Variants in CD247 observed in about 807,000 individuals in gnomAD.
The protein encoded by CD247 is T-cell surface glycoprotein CD3 zeta chain.
CD247 carries 13 observed loss-of-function variants against 30.0 expected under a neutral mutation model. The ratio of observed to expected loss-of-function variants is 0.43; its 90% CI spans 0.28 to 0.69. CD247 has a LOEUF of 0.69. Ranked by LOEUF, CD247 falls within the 30% of genes least tolerant of loss-of-function variation. CD247 has a pLI of 0.16. For missense variants in CD247, 193 were observed against 212.6 expected (o/e 0.91, Z 0.57); for synonymous variants, 72 against 80.0 (o/e 0.90, Z 0.53).
chr1:167,439,587 G>A (rs1198285009), intron 2 of CD247, 187 bp from the exon 3 acceptor site: 1 of 609,168 alleles, frequency 1.6e-6, no homozygotes, highest in African/African-American at 1.8e-5. Context: ...TCTGAGCCCA[G>A]TTGTCCTTTT....
At chr1:167,508,500 C>T (rs1431036114) in intron 1 of CD247, among the ~76,000 whole-genome samples, 2 of 152,190 alleles carry the variant, frequency 1.3e-5, no homozygotes, top group Non-Finnish European at 2.9e-5. Context: ...AAGGATAATC[C>T]TCTTTGCCAA....
rs192753569 is a variant in CD247, at chr1:167,491,290, C to T, written c.58+27118G>A. Among the ~76,000 whole-genome samples the T allele has an allele frequency of 2.0e-4, 31 of 152,256 alleles. 1 individual carries two copies. The highest frequency in any genetic ancestry group is 1.7e-3 in the East Asian group (9 of 5,182). Reference sequence around the variant, plus strand: ...GAAAGTTAAAAATAGAACTACTGGCCGGGCGCAGTGGCTCATGCCTGTAAT... The same window carrying T: ...GAAAGTTAAAAATAGAACTACTGGCTGGGCGCAGTGGCTCATGCCTGTAAT... On this transcript the variant is annotated intron_variant, in intron 1 of 7. Coordinates refer to ENST00000362089, the MANE Select transcript of CD247 (RefSeq NM_198053.3).
rs537151704 is a variant in CD247, at chr1:167,494,165, C to T, written c.58+24243G>A. 2.8e-4 allele frequency among the ~76,000 whole-genome samples: 42 copies of T among 152,054 alleles called. No individual in the cohort carries two copies. In the South Asian group the frequency reaches 6.4e-3, roughly 23 times the overall value. On this transcript the variant is annotated intron_variant, in intron 1 of 7. Coordinates refer to ENST00000362089, the MANE Select transcript of CD247 (RefSeq NM_198053.3). The surrounding 1 kb of genome is among the most constrained non-coding windows in gnomAD (Gnocchi z 7.3). ...GAACTGAGTCAGGAGACACTTTAGA[C>T]GATGGAGGGTTGGGGGATGGAGGTG...
intron 7 of CD247, 115 bp downstream of exon 7, chr1:167,432,908 GC>G: frequency 8.8e-7 from 1 of 1,131,230 alleles, no homozygotes. Flanking sequence ...CCTTGGGCTT[GC>G]CCTGCCCAGC....
intron 6 of CD247, among the ~76,000 whole-genome samples, chr1:167,433,468 C>T (rs1165504531): frequency 6.6e-6 from 1 of 152,214 alleles, no homozygotes; most frequent in East Asian, 1.9e-4. Flanking sequence ...CAATCACGTG[C>T]CCGTTTACCA....
At chr1:167,466,291 TCTGA>T (rs1215764662) in intron 1 of CD247, among the ~76,000 whole-genome samples, 2 of 152,226 alleles carry the variant, frequency 1.3e-5, no homozygotes, top group African/African-American at 4.8e-5. Flanking sequence ...TGCACAGTTT[TCTGA>T]CTATTTGCCA....
At chr1:167,450,218 A>G (rs1436005532) in intron 1 of CD247, among the ~76,000 whole-genome samples, 1 of 152,236 alleles carries the variant, frequency 6.6e-6, no homozygotes, top group Admixed American at 6.5e-5. Flanking sequence ...AAAATGGGCC[A>G]GGTGCGGTGG....
intron 1 of CD247, among the ~76,000 whole-genome samples, chr1:167,480,101 C>T (rs573798656): frequency 3.3e-5 from 5 of 152,048 alleles, no homozygotes; most frequent in Admixed American, 1.3e-4. Flanking sequence ...CCGATTAGGC[C>T]GACGTTCTTT....
At chr1:167,468,182 G>A (rs1333960689) in intron 1 of CD247, among the ~76,000 whole-genome samples, 1 of 151,870 alleles carries the variant, frequency 6.6e-6, no homozygotes. Flanking sequence ...AAAAAAATGA[G>A]GGGAAGATTT....
intron 1 of CD247, among the ~76,000 whole-genome samples, chr1:167,451,954 G>A (rs915084589): frequency 2.0e-5 from 3 of 152,196 alleles, no homozygotes; most frequent in African/African-American, 4.8e-5. Flanking sequence ...CGGGTGCGGT[G>A]GCTCATGCCT....
At chr1:167,512,866 G>A (rs1655451417) in intron 1 of CD247, among the ~76,000 whole-genome samples, 1 of 152,236 alleles carries the variant, frequency 6.6e-6, no homozygotes. Context: ...TTCCACCATA[G>A]TGCCTGCTCC....
chr1:167,509,099 G>A (rs950124393), intron 1 of CD247, among the ~76,000 whole-genome samples: 1 of 152,174 alleles, frequency 6.6e-6, no homozygotes, highest in Admixed American at 6.5e-5. Context: ...GGGCGCGGTG[G>A]CTCATGCCTA....
intron 1 of CD247, among the ~76,000 whole-genome samples, chr1:167,505,049 A>T (rs1429935864): frequency 6.6e-6 from 1 of 152,244 alleles, no homozygotes; most frequent in Non-Finnish European, 1.5e-5. Context: ...TTTACATATT[A>T]TTATAATATT....
chr1:167,455,247 CCG>C (rs1652583988), intron 1 of CD247, among the ~76,000 whole-genome samples: 2 of 152,264 alleles, frequency 1.3e-5, no homozygotes, highest in South Asian at 4.1e-4. Context: ...GCCTGCTAAG[CCG>C]CGCTCACGCC....
intron 1 of CD247, among the ~76,000 whole-genome samples, chr1:167,485,283 C>T (rs1025706224): frequency 2.0e-5 from 3 of 152,222 alleles, no homozygotes; most frequent in Non-Finnish European, 2.9e-5. Context: ...GACCCCTGCA[C>T]GCCCTGCTCA....
At position 167,498,169 on chromosome 1, in the gene CD247, C is replaced by T. The variant is rs561176372; in HGVS notation, c.58+20239G>A. ...CTGTTGCTGCTCCCGTCAAGAAGTG[C>T]CTTCCTATCCTGCCCATCTGCTCAC... is the stretch of plus-strand genomic sequence containing the variant. On this transcript the variant is annotated intron_variant, in intron 1 of 7. Transcript: ENST00000362089. Among the ~76,000 whole-genome samples the T allele has an allele frequency of 2.0e-5, 3 of 152,326 alleles. No homozygotes were observed. In the East Asian group the frequency reaches 5.8e-4, roughly 29 times the overall value.
chr1:167,465,182 A>T lies in CD247; in HGVS notation c.59-24415T>A, dbSNP rs140349618. ...TCATGTGTTTACAAGCCTCATACAC[A>T]GAGTTGTTGGAGAAGGCGCCAGCCC... On this transcript the variant is annotated intron_variant, in intron 1 of 7. Coordinates refer to ENST00000362089, the MANE Select transcript of CD247 (RefSeq NM_198053.3). 3.4e-3 allele frequency among the ~76,000 whole-genome samples: 525 copies of T among 152,260 alleles called. 4 individuals are homozygous for T. Among genetic ancestry groups the T allele is most frequent in the African/African-American group, 0.012 (502 of 41,550 alleles).
chr1:167,510,649 G>A (rs1380010268), intron 1 of CD247, among the ~76,000 whole-genome samples: 1 of 152,214 alleles, frequency 6.6e-6, no homozygotes, highest in Non-Finnish European at 1.5e-5. Flanking sequence ...AGGTCTAACT[G>A]AGGGCTGTCA....
intron 1 of CD247, among the ~76,000 whole-genome samples, chr1:167,517,260 C>A (rs886757790): frequency 6.6e-6 from 1 of 152,216 alleles, no homozygotes; most frequent in Non-Finnish European, 1.5e-5. Flanking sequence ...GTGCCTGGCT[C>A]CCTGGTGGGA....
Sources: allele counts gnomAD v4.1 joint callset (sites outside exome capture counted in the v4.1 genomes callset), GRCh38; gene constraint gnomAD v4.1.1; non-coding constraint Gnocchi (gnomAD v3.1); transcripts MANE v1.5; gene names NCBI Gene and HGNC (gene_info 2026-07-23, HGNC 2026-07-21).